TBC1D5: variants seen among roughly 807,000 people sequenced by gnomAD.
The protein encoded by TBC1D5 is TBC1 domain family member 5, also known as TBC1 domain family, member 5.
Under a neutral mutation model 100.3 loss-of-function variants are expected in TBC1D5, and 75 were observed. That is an observed-to-expected ratio of 0.75 (90% CI 0.62 to 0.91). The LOEUF (loss-of-function observed/expected upper bound fraction) is 0.91. Ranked by LOEUF, TBC1D5 falls within the 40% of genes least tolerant of loss-of-function variation. TBC1D5 has a pLI of 0.00. For synonymous variants in TBC1D5, 323 were observed against 325.6 expected, an observed-to-expected ratio of 0.99 and a Z score of 0.09; for missense variants, 910 against 942.4, an observed-to-expected ratio of 0.97 and a Z score of 0.45.
At chr3:17,729,433 C>G (rs986077971) in intron 1 of TBC1D5, among the ~76,000 whole-genome samples, 2 of 151,860 alleles carry the variant, frequency 1.3e-5, no homozygotes, top group African/African-American at 4.8e-5. Context: ...CCAGGCCGGG[C>G]GAGGTGGCTC....
chr3:17,692,105 T>A (rs953476034), intron 1 of TBC1D5, among the ~76,000 whole-genome samples: 1 of 152,196 alleles, frequency 6.6e-6, no homozygotes, highest in East Asian at 1.9e-4. Context: ...TTTTTTTCTT[T>A]TTTTTGAGAT....
intron 3 of TBC1D5, among the ~76,000 whole-genome samples, chr3:17,493,118 G>A (rs976708055): frequency 6.6e-6 from 1 of 152,194 alleles, no homozygotes; most frequent in Non-Finnish European, 1.5e-5. Flanking sequence ...GATCTTGCAA[G>A]GCAAGCCTAA....
chr3:17,325,681 A>T (rs1301926793), intron 13 of TBC1D5, among the ~76,000 whole-genome samples: 1 of 152,214 alleles, frequency 6.6e-6, no homozygotes, highest in Non-Finnish European at 1.5e-5. Context: ...TTAAAAGGCT[A>T]CATACATTTA....
At chr3:17,687,146 T>G (rs1241556594) in intron 1 of TBC1D5, among the ~76,000 whole-genome samples, 3 of 152,194 alleles carry the variant, frequency 2.0e-5, no homozygotes, top group African/African-American at 7.2e-5. Flanking sequence ...TATCTTATTT[T>G]TTCAAATATG....
intron 13 of TBC1D5, among the ~76,000 whole-genome samples, chr3:17,350,905 A>G (rs2090491653): frequency 6.6e-6 from 1 of 152,168 alleles, no homozygotes; most frequent in African/African-American, 2.4e-5. Context: ...TAACACCACA[A>G]GCTCCTGCTT....
At chr3:17,183,719 C>T (rs2068704684) in intron 19 of TBC1D5, among the ~76,000 whole-genome samples, 1 of 152,164 alleles carries the variant, frequency 6.6e-6, no homozygotes, top group African/African-American at 2.4e-5. Flanking sequence ...CAGCATCTCT[C>T]CAAATCTTTT....
chr3:17,216,551 C>G (rs1188666753), intron 17 of TBC1D5, among the ~76,000 whole-genome samples: 1 of 152,038 alleles, frequency 6.6e-6, no homozygotes, highest in Non-Finnish European at 1.5e-5. Context: ...TTGAAGGACC[C>G]CTGAGGTTAG....
chr3:17,716,822 G>A (rs1577743744), intron 1 of TBC1D5, among the ~76,000 whole-genome samples: 1 of 152,048 alleles, frequency 6.6e-6, no homozygotes, highest in African/African-American at 2.4e-5. Flanking sequence ...TCTACCATTT[G>A]TTTTTATTTT....
intron 2 of TBC1D5, among the ~76,000 whole-genome samples, chr3:17,585,835 C>T (rs2096729262): frequency 6.6e-6 from 1 of 152,106 alleles, no homozygotes; most frequent in Non-Finnish European, 1.5e-5. Flanking sequence ...TAGGACTCGG[C>T]TCATAAATGT....
chr3:17,243,251 G>A (rs1290510371), intron 16 of TBC1D5, among the ~76,000 whole-genome samples: 4 of 152,068 alleles, frequency 2.6e-5, no homozygotes, highest in Admixed American at 2.6e-4. Context: ...GATATTTTAG[G>A]TACTTTTTAG....
At chr3:17,428,800 G>C (rs1310596322) in intron 3 of TBC1D5, among the ~76,000 whole-genome samples, 1 of 151,852 alleles carries the variant, frequency 6.6e-6, no homozygotes, top group African/African-American at 2.4e-5. Context: ...ATGAATTACA[G>C]ACAAAACTAA....
intron 14 of TBC1D5, among the ~76,000 whole-genome samples, chr3:17,306,863 T>C (rs1367321624): frequency 6.6e-6 from 1 of 152,146 alleles, no homozygotes; most frequent in Admixed American, 6.5e-5. Context: ...TACTCAAATA[T>C]CTTTCTCTAC....
intron 1 of TBC1D5, among the ~76,000 whole-genome samples, chr3:17,636,018 C>T (rs1217045748): frequency 6.6e-6 from 1 of 152,006 alleles, no homozygotes; most frequent in Admixed American, 6.5e-5. Flanking sequence ...CATGGTAAAA[C>T]CCCACCTCTA....
chr3:17,335,811 G>A (rs1443049439), intron 13 of TBC1D5, among the ~76,000 whole-genome samples: 3 of 152,130 alleles, frequency 2.0e-5, no homozygotes, highest in African/African-American at 7.2e-5. Flanking sequence ...CATCTAGACA[G>A]AAGAGACAAA....
intron 17 of TBC1D5, among the ~76,000 whole-genome samples, chr3:17,232,348 CAT>C (rs574962832): frequency 3.9e-5 from 6 of 152,136 alleles, no homozygotes; most frequent in Non-Finnish European, 7.4e-5. Context: ...CAACAACACA[CAT>C]GTTAAAAAGT....
At chr3:17,241,613 G>T (rs760883434) in intron 16 of TBC1D5, among the ~76,000 whole-genome samples, 6 of 152,164 alleles carry the variant, frequency 3.9e-5, no homozygotes, top group Non-Finnish European at 8.8e-5. Flanking sequence ...AGTACCAAGA[G>T]GTGAACTTTC....
chr3:17,547,411 C>T (rs1011482262), intron 2 of TBC1D5, among the ~76,000 whole-genome samples: 3 of 152,120 alleles, frequency 2.0e-5, no homozygotes, highest in Admixed American at 2.0e-4. Flanking sequence ...TAACCAATTT[C>T]ATCATCATAT....
intron 17 of TBC1D5, among the ~76,000 whole-genome samples, chr3:17,237,925 G>C (rs2149027159): frequency 6.6e-6 from 1 of 151,938 alleles, no homozygotes; most frequent in Middle Eastern, 3.4e-3. Context: ...CATACTGTAT[G>C]GGCATCTACA....
At chr3:17,238,243 G>A (rs2076031421) in exon 17 of TBC1D5, 6 of 1,614,014 alleles carry the variant, frequency 3.7e-6, no homozygotes, top group Non-Finnish European at 5.1e-6. Context: ...ATGGCTTGGG[G>A]CCTCTGCTGA....
Sources: allele counts gnomAD v4.1 joint callset (sites outside exome capture counted in the v4.1 genomes callset), GRCh38; gene constraint gnomAD v4.1.1; transcripts MANE v1.5; gene names NCBI Gene and HGNC (gene_info 2026-07-23, HGNC 2026-07-21).